Variants in NUDT1 observed in about 807,000 individuals in gnomAD.
NUDT1 encodes nudix hydrolase 1, also known as oxidized purine nucleoside triphosphate hydrolase.
In NUDT1, 16 loss-of-function variants were observed where a neutral mutation model predicts 11.3. The ratio of observed to expected loss-of-function variants is 1.41; its 90% CI spans 0.96 to 2.15. NUDT1 has a LOEUF of 2.15. Ranked by LOEUF, NUDT1 falls within the 30% of genes most tolerant of loss-of-function variation. The pLI is 0.00. For missense variants in NUDT1, 234 were observed against 208.4 expected (o/e 1.12, Z -0.76); for synonymous variants, 101 against 84.4 (o/e 1.20, Z -1.08).
chr7:2,251,100 T>C lies in NUDT1; in HGVS notation c.*99T>C. 2.4e-6 allele frequency: 3 copies of C among 1,253,248 alleles called. No homozygotes were observed. The South Asian group carries it at 3.6e-5, about 15-fold the overall frequency. 77.6% of individuals were successfully genotyped at this position (1,253,248 alleles called of 1,614,324 possible). ...TTGAGTGGCGCAGAGCCGGGTTTCA[T>C]CTGGAATTAACTGGATGGAAGGGAA... is the stretch of plus-strand genomic sequence containing the variant. On this transcript the variant is annotated 3_prime_UTR_variant, in exon 4 of 4. Coordinates refer to ENST00000356714, the MANE Select transcript of NUDT1 (RefSeq NM_002452.4).
chr7:2,244,945 ACGGTGCG>A (rs1369450100), intron 2 of NUDT1, among the ~76,000 whole-genome samples: 1 of 152,158 alleles, frequency 6.6e-6, no homozygotes, highest in African/African-American at 2.4e-5. Context: ...AGGACTTAGA[ACGGTGCG>A]CGGTGTGCGG....
intron 3 of NUDT1, among the ~76,000 whole-genome samples, 177 bp from the exon 4 acceptor site, chr7:2,250,652 G>GT (rs1794970516): frequency 7.0e-6 from 1 of 143,150 alleles, no homozygotes; most frequent in African/African-American, 2.5e-5. Context: ...TAGAGACGGG[G>GT]TTTCACCGTG....
At chr7:2,245,491 G>C (rs1189744706) in intron 2 of NUDT1, among the ~76,000 whole-genome samples, 1 of 152,220 alleles carries the variant, frequency 6.6e-6, no homozygotes, top group African/African-American at 2.4e-5. Context: ...CTCTGATAGA[G>C]TGTACACACT....
At position 2,250,003 on chromosome 7, in the gene NUDT1, G is replaced by C; in HGVS notation, c.298+1G>C. ...CAGGGGACCCCCGTGGAGAGCGACG[G>C]TGAGTCTCACAGGGCCTGCTCCCCC... On this transcript the variant is annotated splice_donor_variant, in intron 3 of 3. Transcript: ENST00000356714. LOFTEE classifies it high-confidence loss of function. The C allele has an allele frequency of 6.2e-7, 1 of 1,613,852 alleles. No homozygotes were observed. The highest frequency in any genetic ancestry group is 1.1e-5 in the South Asian group (1 of 91,080).
chr7:2,246,331 G>T (rs1794766493), intron 2 of NUDT1, among the ~76,000 whole-genome samples: 1 of 152,234 alleles, frequency 6.6e-6, no homozygotes, highest in Non-Finnish European at 1.5e-5. Context: ...GTGGCCAGGG[G>T]CCTCCAGGAG....
chr7:2,247,437 C>G (rs149139781), intron 2 of NUDT1, among the ~76,000 whole-genome samples: 140 of 152,244 alleles, frequency 9.2e-4, no homozygotes, highest in African/African-American at 3.2e-3. Context: ...TGGGGGTGTG[C>G]AGATTTGGGC....
chr7:2,244,212 T>C (rs557353951), intron 1 of NUDT1, among the ~76,000 whole-genome samples: 81 of 152,296 alleles, frequency 5.3e-4, no homozygotes, highest in African/African-American at 1.7e-3. Flanking sequence ...TGTGTGCCTA[T>C]AAGCAGGGGG....
At chr7:2,249,132 G>C (rs932767067) in intron 2 of NUDT1, among the ~76,000 whole-genome samples, 3 of 152,256 alleles carry the variant, frequency 2.0e-5, no homozygotes, top group African/African-American at 4.8e-5. Context: ...GGCATCCCGT[G>C]GTGAAGTCAG....
rs758340311 is a variant in NUDT1, at chr7:2,244,605, C to A, written c.31C>A (p.Leu11Met). The A allele has an allele frequency of 3.8e-5, 61 of 1,611,526 alleles. No homozygotes were observed. The highest frequency in any genetic ancestry group is 5.1e-5 in the Non-Finnish European group (60 of 1,178,498). ...CGCCTCCAGGCTCTATACCCTGGTG[C>A]TGGTCCTGCAGCCTCAGCGAGTTCT... MGASRLYTLV[L>M]VLQPQRVLLG... Residue 11 changes from leucine to methionine, a missense_variant, in exon 2 of 4, where the codon CTG (leucine) becomes ATG (methionine). Physicochemically the swap from Leu to Met is conservative, Grantham distance 15 (BLOSUM62 2). Transcript: ENST00000356714.
intron 1 of NUDT1, 190 bp downstream of exon 1, chr7:2,242,446 GGA>G (rs1480712131): frequency 1.0e-5 from 5 of 500,898 alleles, no homozygotes; most frequent in Non-Finnish European, 1.8e-5. Flanking sequence ...CGGGGGTTTG[GGA>G]GAGAGACAAG....
intron 1 of NUDT1, chr7:2,242,889 C>T (rs1794604839): frequency 1.4e-6 from 1 of 702,036 alleles, no homozygotes. Flanking sequence ...GACTCCCTGC[C>T]TTATCGCAAG....
chr7:2,249,908 C>CCAGATTCACAAGGTGGGT lies in NUDT1; in HGVS notation c.209_210insTCACAAGGTGGGTCAGAT (p.His65_Ile70dup). The CCAGATTCACAAGGTGGGT allele has an allele frequency of 2.5e-6, 4 of 1,614,184 alleles. No individual in the cohort carries two copies. In the East Asian group the frequency reaches 6.7e-5, roughly 27 times the overall value. On this transcript the variant is annotated inframe_insertion, in exon 3 of 4. Coordinates refer to ENST00000356714, the MANE Select transcript of NUDT1 (RefSeq NM_002452.4). ...CAGTGGACGCCCTGCACAAGGTGGGCCAGATCGTGTTTGAGTTCGTGGGCG... is the reference window on the plus strand; with the variant it reads ...CAGTGGACGCCCTGCACAAGGTGGGCCAGATTCACAAGGTGGGTCAGATCGTGTTTGAGTTCGTGGGCG...
chr7:2,243,427 A>G (rs1395261007), intron 1 of NUDT1, among the ~76,000 whole-genome samples: 1 of 152,166 alleles, frequency 6.6e-6, no homozygotes, highest in Non-Finnish European at 1.5e-5. Context: ...ACAACTTCCA[A>G]GAAGGATCAC....
In NUDT1 at chr7:2,250,359, G is replaced by A. The variant is rs368920691; in HGVS notation, c.298+357G>A. On this transcript the variant is annotated intron_variant, in intron 3 of 3. Coordinates refer to ENST00000356714, the MANE Select transcript of NUDT1 (RefSeq NM_002452.4). ...CTGTAATCCCAGCACTGTGGACTGT[G>A]GGAGGCCGAGGCAGGAGGATCGTTG... Among the ~76,000 whole-genome samples the A allele has an allele frequency of 6.2e-4, 95 of 152,344 alleles. 3 individuals carry two copies. The South Asian group carries it at 0.016, about 26-fold the overall frequency.
intron 2 of NUDT1, among the ~76,000 whole-genome samples, chr7:2,244,963 T>C (rs1794715035): frequency 6.6e-6 from 1 of 152,296 alleles, no homozygotes; most frequent in Non-Finnish European, 1.5e-5. Context: ...CGGTGTGCGG[T>C]GCGTGCTGAG....
chr7:2,244,602 G>C lies in NUDT1; in HGVS notation c.28G>C (p.Val10Leu), dbSNP rs114889557. 3.2e-5 allele frequency: 52 copies of C among 1,611,336 alleles called. No homozygotes were observed. In the African/African-American group the frequency reaches 5.2e-4, roughly 16 times the overall value. MGASRLYTL[V>L]LVLQPQRVLL... ...GGGCGCCTCCAGGCTCTATACCCTG[G>C]TGCTGGTCCTGCAGCCTCAGCGAGT... Residue 10 changes from valine (V) to leucine (L), a missense_variant, in exon 2 of 4, where the codon GTG (valine) becomes CTG (leucine). Physicochemically the swap from Val to Leu is conservative, Grantham distance 32 (BLOSUM62 1). Coordinates refer to ENST00000356714, the MANE Select transcript of NUDT1 (RefSeq NM_002452.4).
chr7:2,249,670 A>G, intron 2 of NUDT1, 187 bp from the exon 3 acceptor site: 2 of 689,388 alleles, frequency 2.9e-6, no homozygotes, highest in Admixed American at 4.8e-5. Flanking sequence ...TCAAAGTTCA[A>G]GTTGATTCTG....
rs1794701426 is a variant in NUDT1 at position 2,244,693 on chromosome 7, A to G, written c.119A>G (p.Gln40Arg). The G allele has an allele frequency of 6.2e-7, 1 of 1,612,990 alleles. No individual in the cohort carries two copies. The highest frequency in any genetic ancestry group is 8.5e-7 in the Non-Finnish European group (1 of 1,179,674). ...TGGAATGGCTTTGGGGGCAAAGTGCAAGAAGGAGAGACCATCGAGGATGGG... is the reference window on the plus strand; with the variant it reads ...TGGAATGGCTTTGGGGGCAAAGTGCGAGAAGGAGAGACCATCGAGGATGGG... ...GRWNGFGGKV[Q>R]EGETIEDGAR... is the part of the protein sequence containing the mutation. Residue 40 changes from glutamine to arginine, a missense_variant, in exon 2 of 4, where the codon CAA becomes CGA. Coordinates refer to ENST00000356714, the MANE Select transcript of NUDT1 (RefSeq NM_002452.4).
intron 3 of NUDT1, among the ~76,000 whole-genome samples, chr7:2,250,482 A>G (rs937916307): frequency 2.0e-4 from 30 of 152,182 alleles, no homozygotes; most frequent in Non-Finnish European, 3.1e-4. Flanking sequence ...TTTTGAGACG[A>G]AGTCTCGCTC....
Sources: allele counts gnomAD v4.1 joint callset (sites outside exome capture counted in the v4.1 genomes callset), GRCh38; gene constraint gnomAD v4.1.1; transcripts MANE v1.5; gene names NCBI Gene and HGNC (gene_info 2026-07-23, HGNC 2026-07-21).